The following EYS variants were observed in gnomAD, a reference collection of about 807,000 sequenced individuals.
EYS encodes the protein protein eyes shut homolog.
A neutral mutation model predicts 282.1 loss-of-function variants in EYS; 250 were observed. That is an observed-to-expected ratio of 0.89 (90% CI 0.80 to 0.98). EYS has a LOEUF of 0.98. Among genes scored for constraint, EYS ranks in the 50% least tolerant of loss-of-function variants. EYS has a pLI of 0.00. For missense variants in EYS, 4,016 were observed against 3,709.0 expected (o/e 1.08, Z -2.15); for synonymous variants, 1,355 against 1,282.9 (o/e 1.06, Z -1.20).
intron 8 of EYS, among the ~76,000 whole-genome samples, chr6:65,361,900 G>A (rs1764725084): frequency 1.3e-5 from 2 of 152,184 alleles, no homozygotes; most frequent in Non-Finnish European, 2.9e-5. Flanking sequence ...GAAAATGACT[G>A]AAGAAATTGA....
chr6:64,747,509 T>G (rs1037822904), intron 22 of EYS, among the ~76,000 whole-genome samples: 2 of 152,108 alleles, frequency 1.3e-5, no homozygotes, highest in African/African-American at 4.8e-5. Flanking sequence ...GACTCCAGAG[T>G]AGCTGGGATT....
At chr6:64,147,777 G>C (rs947073435) in intron 31 of EYS, among the ~76,000 whole-genome samples, 3 of 152,158 alleles carry the variant, frequency 2.0e-5, no homozygotes, top group African/African-American at 7.2e-5. Context: ...CTTTGCCCGT[G>C]CTATGTAGAT....
At chr6:63,726,789 G>A (rs1432465921) in intron 41 of EYS, 109 bp from the exon 42 acceptor site, 12 of 1,011,010 alleles carry the variant, frequency 1.2e-5, no homozygotes, top group South Asian at 1.1e-4. Flanking sequence ...AGGATTTATC[G>A]CCCAAGAGTT....
chr6:65,306,738 CAGG>C (rs1372353665), intron 11 of EYS, among the ~76,000 whole-genome samples: 2 of 125,184 alleles, frequency 1.6e-5, no homozygotes, highest in East Asian at 5.0e-4. Flanking sequence ...GAGGCTGAGG[CAGG>C]AGAATGGTGT....
chr6:65,171,170 G>A (rs1034525363), intron 12 of EYS, among the ~76,000 whole-genome samples: 2 of 151,516 alleles, frequency 1.3e-5, no homozygotes, highest in Non-Finnish European at 1.5e-5. Flanking sequence ...TATAGAATTA[G>A]CAATCCAAAC....
At chr6:65,366,323 A>T (rs1327732392) in intron 8 of EYS, among the ~76,000 whole-genome samples, 1 of 151,718 alleles carries the variant, frequency 6.6e-6, no homozygotes, top group African/African-American at 2.4e-5. Flanking sequence ...ATTTTAACTA[A>T]TGAAAGTTAA....
intron 35 of EYS, among the ~76,000 whole-genome samples, chr6:63,907,407 C>A: frequency 6.6e-6 from 1 of 152,092 alleles, no homozygotes; most frequent in South Asian, 2.1e-4. Flanking sequence ...TTTGGATCTT[C>A]AGGATCAAGG....
intron 8 of EYS, among the ~76,000 whole-genome samples, chr6:65,361,488 C>CTTTTT (rs147691539): frequency 6.8e-6 from 1 of 146,776 alleles, no homozygotes; most frequent in East Asian, 2.0e-4. Flanking sequence ...TTCGTTCGTT[C>CTTTTT]CTTTTTTTTT....
intron 12 of EYS, among the ~76,000 whole-genome samples, chr6:65,280,829 C>T (rs1309276182): frequency 6.8e-6 from 1 of 147,828 alleles, no homozygotes; most frequent in Non-Finnish European, 1.5e-5. Flanking sequence ...ACAAGCCTGA[C>T]CAGCAAAGTG....
At chr6:65,354,837 G>T (rs1439625077) in intron 8 of EYS, among the ~76,000 whole-genome samples, 1 of 150,238 alleles carries the variant, frequency 6.7e-6, no homozygotes, top group African/African-American at 2.4e-5. Context: ...AAATGAAAAA[G>T]AAAGAAAAAA....
chr6:64,546,174 A>T (rs1350373927), intron 26 of EYS, among the ~76,000 whole-genome samples: 2 of 152,172 alleles, frequency 1.3e-5, no homozygotes, highest in African/African-American at 4.8e-5. Context: ...CAAAACAGAG[A>T]TATAGACCAA....
chr6:64,597,954 TA>T (rs34696791), intron 24 of EYS, among the ~76,000 whole-genome samples: 17,257 of 152,232 alleles, frequency 0.11, 1,035 homozygotes, highest in East Asian at 0.17. Context: ...ATTTTATCAC[TA>T]ACACAATGTA....
intron 19 of EYS, among the ~76,000 whole-genome samples, chr6:64,841,630 C>T (rs769094271): frequency 3.3e-5 from 5 of 152,140 alleles, no homozygotes; most frequent in Admixed American, 6.6e-5. Context: ...TGCTTTGATA[C>T]ATCAACAGGA....
At chr6:64,805,175 A>T (rs1421942146) in intron 22 of EYS, among the ~76,000 whole-genome samples, 1 of 152,080 alleles carries the variant, frequency 6.6e-6, no homozygotes, top group Non-Finnish European at 1.5e-5. Flanking sequence ...ATGTAAATTC[A>T]CTTGGTGAAT....
chr6:64,193,116 C>T (rs941196191), intron 31 of EYS, among the ~76,000 whole-genome samples: 5 of 152,206 alleles, frequency 3.3e-5, no homozygotes, highest in African/African-American at 1.2e-4. Context: ...AAATTTCTTT[C>T]TTCCATATAA....
In EYS at chr6:64,741,293, C is replaced by T. The variant is rs1772363254; in HGVS notation, c.3443+72085G>A. Reference sequence around the variant, plus strand: ...GTCAATAATATTTTTAATTTTTTTTCTGCTCAGTAAGTCTGAAAAACGGAC... The same window carrying T: ...GTCAATAATATTTTTAATTTTTTTTTTGCTCAGTAAGTCTGAAAAACGGAC... On this transcript the variant is annotated intron_variant, in intron 22 of 42. Transcript: ENST00000503581. 2.0e-5 allele frequency among the ~76,000 whole-genome samples: 3 copies of T among 152,104 alleles called. No individual in the cohort carries two copies. In the South Asian group the frequency reaches 6.2e-4, roughly 32 times the overall value.
intron 2 of EYS, among the ~76,000 whole-genome samples, chr6:65,543,842 C>G (rs1428268004): frequency 2.0e-5 from 3 of 152,124 alleles, no homozygotes; most frequent in African/African-American, 4.8e-5. Context: ...TAAAAATAGT[C>G]TGCTGCAGTG....
chr6:65,585,445 T>C (rs749344266), intron 2 of EYS, among the ~76,000 whole-genome samples: 1 of 151,914 alleles, frequency 6.6e-6, no homozygotes, highest in African/African-American at 2.4e-5. Flanking sequence ...TAAACACATA[T>C]TGATAATTTT....
chr6:63,931,711 T>G (rs1456705419), intron 35 of EYS, among the ~76,000 whole-genome samples: 1 of 152,202 alleles, frequency 6.6e-6, no homozygotes, highest in Non-Finnish European at 1.5e-5. Context: ...ATACAATGTA[T>G]AAGGATCACA....
Sources: gnomAD v4.1 joint callset for allele counts (sites outside exome capture counted in the v4.1 genomes callset) on GRCh38, gnomAD v4.1.1 for gene constraint, MANE v1.5 for transcripts, NCBI Gene and HGNC (gene_info 2026-07-23, HGNC 2026-07-21) for gene names.